The following RHOBTB3 variants were observed in gnomAD, a reference collection of about 807,000 sequenced individuals.
RHOBTB3 encodes the protein Rho related BTB domain containing 3.
Under a neutral mutation model 67.2 loss-of-function variants are expected in RHOBTB3, and 47 were observed. The ratio of observed to expected loss-of-function variants is 0.70; its 90% CI spans 0.55 to 0.89. The LOEUF is 0.89. RHOBTB3 is among the 40% of genes least tolerant of loss of function. The pLI is 0.00. For synonymous variants in RHOBTB3, 273 were observed against 274.2 expected (o/e 1.00, Z 0.04); for missense variants, 631 against 750.0 (o/e 0.84, Z 1.85).
chr5:95,742,847 C>T (rs1392481864), intron 3 of RHOBTB3, among the ~76,000 whole-genome samples: 3 of 152,194 alleles, frequency 2.0e-5, no homozygotes, highest in African/African-American at 7.2e-5. Context: ...CCGAGGCGGG[C>T]GGATCATGAG....
chr5:95,732,147 CT>C (rs771278298), intron 2 of RHOBTB3, 63 bp downstream of exon 2: 81 of 1,452,816 alleles, frequency 5.6e-5, no homozygotes, highest in Middle Eastern at 1.7e-4. Context: ...TTTTTTCCCC[CT>C]CCCCCTTCTG....
chr5:95,792,397 AAAAAAG>A (rs1294768083), intron 11 of RHOBTB3, among the ~76,000 whole-genome samples: 1,746 of 144,030 alleles, frequency 0.012, 38 homozygotes, highest in African/African-American at 0.044. Context: ...AGAAAAAAAA[AAAAAAG>A]AAAAGAAAAG....
At position 95,795,077 on chromosome 5, in the gene RHOBTB3, G is replaced by A. The variant is rs990174066; in HGVS notation, c.*1903G>A. ...AGATCGCACCACTGCACTCCAGCCT[G>A]GGTGACAAGAGCGAAACTCCATCTC... On this transcript the variant is annotated 3_prime_UTR_variant, in exon 12 of 12. Transcript: ENST00000379982. 5 of 150,088 alleles carry A rather than the reference G, an allele frequency of 3.3e-5. No homozygotes were observed. The highest frequency in any genetic ancestry group is 7.4e-5 in the Non-Finnish European group (5 of 67,690). The allele number at this position is 150,088 out of a possible 1,614,324, so 9.3% of individuals were successfully genotyped here.
At chr5:95,772,269 C>T (rs773327571) in intron 8 of RHOBTB3, among the ~76,000 whole-genome samples, 7 of 152,126 alleles carry the variant, frequency 4.6e-5, no homozygotes, top group Non-Finnish European at 7.4e-5. Flanking sequence ...TGATCCAGGG[C>T]CTGGTGAGTT....
intron 3 of RHOBTB3, among the ~76,000 whole-genome samples, chr5:95,743,978 G>T (rs1755677433): frequency 6.7e-6 from 1 of 149,426 alleles, no homozygotes; most frequent in Admixed American, 6.7e-5. Context: ...CAAAGTGCTG[G>T]GATTACAGGC....
intron 3 of RHOBTB3, among the ~76,000 whole-genome samples, chr5:95,737,665 ATTTCCTAGTAAAGCTAT>A (rs1755485818): frequency 6.6e-6 from 1 of 152,232 alleles, no homozygotes; most frequent in Non-Finnish European, 1.5e-5. Flanking sequence ...TCTTAGTGGT[ATTTCCTAGTAAAGCTAT>A]TTTTAAAATT....
At chr5:95,747,714 TAAAGAA>T (rs1402598637) in intron 3 of RHOBTB3, among the ~76,000 whole-genome samples, 2 of 152,222 alleles carry the variant, frequency 1.3e-5, no homozygotes, top group African/African-American at 4.8e-5. Context: ...TTTTTAATCT[TAAAGAA>T]AAAGATAAAG....
chr5:95,791,524 C>G (rs79801543), intron 11 of RHOBTB3, among the ~76,000 whole-genome samples: 1 of 152,118 alleles, frequency 6.6e-6, no homozygotes, highest in Non-Finnish European at 1.5e-5. Flanking sequence ...TTTGCTTCCT[C>G]TTGAAACTTA....
chr5:95,755,341 T>C, intron 5 of RHOBTB3, 55 bp from the exon 6 acceptor site: 1 of 1,246,270 alleles, frequency 8.0e-7, no homozygotes, highest in Non-Finnish European at 1.1e-6. Context: ...CATGAAATTG[T>C]TGGGTCTGTA....
At position 95,780,342 on chromosome 5, in the gene RHOBTB3, G is replaced by A. The variant is rs1022140248; in HGVS notation, c.1373G>A (p.Ser458Asn). ...AATGGTAATTACATGGAAGCAAAGAGTGTCCTGATTCCCGTTTATGGTGTT... is the reference window on the plus strand; with the variant it reads ...AATGGTAATTACATGGAAGCAAAGAATGTCCTGATTCCCGTTTATGGTGTT... ...MFNGNYMEAK[S>N]VLIPVYGVSK... is the part of the protein sequence containing the mutation. Residue 458 changes from serine to asparagine, a missense_variant, in exon 9 of 12, where the codon AGT (serine) becomes AAT (asparagine). Coordinates refer to ENST00000379982, the MANE Select transcript of RHOBTB3 (RefSeq NM_014899.4). 3 of 1,613,896 alleles carry A rather than the reference G, an allele frequency of 1.9e-6. No individual in the cohort carries two copies. Among genetic ancestry groups the A allele is most frequent in the Admixed American group, 1.7e-5 (1 of 60,026 alleles).
chr5:95,745,840 T>G (rs1744894459), intron 3 of RHOBTB3, among the ~76,000 whole-genome samples: 1 of 152,026 alleles, frequency 6.6e-6, no homozygotes, highest in Non-Finnish European at 1.5e-5. Flanking sequence ...TTAGAATCGG[T>G]TCTACTGCTA....
chr5:95,768,886 G>T lies in RHOBTB3; in HGVS notation c.1282+720G>T, dbSNP rs140590369. ...GCCAGCACACAAGGTGCCACCAGGT[G>T]GGGGAGAGGCGGAGGGAGGGGACGT... On this transcript the variant is annotated intron_variant, in intron 8 of 11. Transcript: ENST00000379982. The T allele has an allele frequency of 1.4e-3, 223 of 159,792 alleles. 1 individual carries two copies. The highest frequency in any genetic ancestry group is 0.011 in the South Asian group (65 of 5,768). The allele number at this position is 159,792 out of a possible 1,614,324, so 9.9% of individuals were successfully genotyped here.
chr5:95,768,993 A>G, intron 8 of RHOBTB3: 1 of 214,820 alleles, frequency 4.7e-6, no homozygotes, highest in Non-Finnish European at 9.6e-6. Flanking sequence ...CCGCTGCCCC[A>G]TAGAAATACT....
chr5:95,737,686 TA>T (rs762585656), intron 3 of RHOBTB3, among the ~76,000 whole-genome samples: 54 of 152,376 alleles, frequency 3.5e-4, no homozygotes, highest in Non-Finnish European at 2.1e-4. Context: ...AAGCTATTTT[TA>T]AAATTTTATT....
intron 3 of RHOBTB3, among the ~76,000 whole-genome samples, chr5:95,742,356 G>C (rs866998812): frequency 6.6e-6 from 1 of 152,148 alleles, no homozygotes; most frequent in African/African-American, 2.4e-5. Context: ...GCCTCTGACT[G>C]TTTCTATAAT....
chr5:95,782,915 C>G (rs1301536781), intron 9 of RHOBTB3: 3 of 146,200 alleles, frequency 2.1e-5, no homozygotes, highest in African/African-American at 7.5e-5. Context: ...AACCTGAAGA[C>G]TAATGTCAAG....
upstream of RHOBTB3, among the ~76,000 whole-genome samples, chr5:95,729,394 C>G (rs1374847218): frequency 6.6e-6 from 1 of 152,132 alleles, no homozygotes; most frequent in African/African-American, 2.4e-5. Flanking sequence ...AAAATGAATA[C>G]TTTCTCCCTT....
intron 9 of RHOBTB3, among the ~76,000 whole-genome samples, 197 bp downstream of exon 9, chr5:95,780,622 G>A (rs1379420051): frequency 6.6e-6 from 1 of 152,192 alleles, no homozygotes; most frequent in Non-Finnish European, 1.5e-5. Flanking sequence ...GTGATTGGGT[G>A]CCTTTTATGG....
At chr5:95,777,318 T>C (rs1320691927) in intron 8 of RHOBTB3, among the ~76,000 whole-genome samples, 2 of 152,226 alleles carry the variant, frequency 1.3e-5, no homozygotes, top group Non-Finnish European at 2.9e-5. Flanking sequence ...GAAAATAGTA[T>C]GAAGAAAGTG....
Sources: allele counts gnomAD v4.1 joint callset (sites outside exome capture counted in the v4.1 genomes callset), GRCh38; gene constraint gnomAD v4.1.1; transcripts MANE v1.5; gene names NCBI Gene and HGNC (gene_info 2026-07-23, HGNC 2026-07-21).